Variants in RNF213 observed in about 807,000 individuals in gnomAD.
The protein encoded by RNF213 is E3 ubiquitin-protein ligase RNF213.
In RNF213, 341 loss-of-function variants were observed where a neutral mutation model predicts 514.4. That is an observed-to-expected ratio of 0.66 (90% confidence interval 0.61 to 0.73). The LOEUF (loss-of-function observed/expected upper bound fraction) is 0.73, where lower values mean the gene tolerates loss of function less well. RNF213 is among the 30% of genes least tolerant of loss of function. RNF213 has a pLI of 0.00. For synonymous variants in RNF213, 2,655 were observed against 2,658.2 expected (o/e 1.00, Z 0.04); for missense variants, 5,767 against 6,615.6 (o/e 0.87, Z 4.45).
At chr17:80,383,636 ACCT>A in intron 58 of RNF213, 38 bp from the exon 59 acceptor site, 1 of 1,584,188 alleles carries the variant, frequency 6.3e-7, no homozygotes, top group Non-Finnish European at 8.7e-7. Context: ...TTGTAGCAAT[ACCT>A]CACTTCCAGA....
At chr17:80,381,995 A>T in intron 57 of RNF213, 2 of 480,012 alleles carry the variant, frequency 4.2e-6, no homozygotes, top group South Asian at 4.1e-5. Context: ...GACCTGCGGT[A>T]TTCGGGAGCG....
intron 38 of RNF213, among the ~76,000 whole-genome samples, chr17:80,360,894 T>G (rs1485526268): frequency 6.6e-6 from 1 of 152,174 alleles, no homozygotes; most frequent in Non-Finnish European, 1.5e-5. Flanking sequence ...CAAAGCAGTC[T>G]CTCTCCTCAT....
chr17:80,373,828 T>G (rs902619099), intron 49 of RNF213, among the ~76,000 whole-genome samples: 1 of 151,820 alleles, frequency 6.6e-6, no homozygotes. Context: ...GGTGAAACCT[T>G]GTCTCTACTT....
intron 36 of RNF213, among the ~76,000 whole-genome samples, chr17:80,355,982 T>C (rs2078799826): frequency 6.7e-6 from 1 of 150,330 alleles, no homozygotes; most frequent in Non-Finnish European, 1.5e-5. Flanking sequence ...TTTCCCTCCG[T>C]TCCTCCTTGT....
At chr17:80,295,418 T>C (rs2044898544) in intron 9 of RNF213, 139 bp from the exon 10 acceptor site, 5 of 1,080,590 alleles carry the variant, frequency 4.6e-6, no homozygotes. Flanking sequence ...GCACTGCAGC[T>C]CCTCCTGTGG....
At chr17:80,326,191 A>G (rs914169076) in intron 18 of RNF213, among the ~76,000 whole-genome samples, 9 of 151,884 alleles carry the variant, frequency 5.9e-5, no homozygotes, top group Non-Finnish European at 1.0e-4. Context: ...TGATGCCATC[A>G]TCGCTCACCG....
At chr17:80,371,133 A>C (rs2079501796) in intron 46 of RNF213, among the ~76,000 whole-genome samples, 1 of 152,236 alleles carries the variant, frequency 6.6e-6, no homozygotes, top group Admixed American at 6.5e-5. Context: ...TCAAAAAAGA[A>C]AAAAATCTAT....
rs1210837954 is a variant in RNF213, at chr17:80,294,993, G to A, written c.1745G>A (p.Arg582Lys). The change falls in exon 9 of 68, where the codon AGG (arginine) becomes AAG (lysine). Residue 582 changes from arginine to lysine, a missense_variant. Arg to Lys is a conservative substitution (Grantham distance 26). Around this residue, in one of 13 missense-constraint regions of RNF213, gnomAD observed 592 missense variants for 673.9 expected, o/e 0.88. Transcript: ENST00000582970. ...CAGCTGTGGACCGATTTGCAGTACA[G>A]GGAGAAAGAGGTATCAGGCTTGCCA... ...QAQLWTDLQY[R>K]EKEVKRYLWQ... The A allele has an allele frequency of 1.2e-6, 2 of 1,614,042 alleles. No individual in the cohort carries two copies. The highest frequency in any genetic ancestry group is 2.7e-5 in the African/African-American group (2 of 74,932).
At chr17:80,334,051 A>AT (rs2143998175) in intron 21 of RNF213, 54 bp from the exon 22 acceptor site, 16 of 1,535,230 alleles carry the variant, frequency 1.0e-5, no homozygotes, top group Non-Finnish European at 1.4e-5. Flanking sequence ...CAGCTCACAG[A>AT]TTCTGGGGTT....
rs953423798 is a variant in RNF213 at position 80,346,358 on chromosome 17, C to G, written c.8023C>G (p.His2675Asp). The G allele has an allele frequency of 1.8e-5, 29 of 1,613,588 alleles. No individual in the cohort carries two copies. Among genetic ancestry groups the G allele is most frequent in the Non-Finnish European group, 2.4e-5 (28 of 1,180,014 alleles). ...CTCCAAGTCCAGCGTCAGCAAAAAT[C>G]ACACCGAGAGAGATCCCGTCCTCTG... ...FLSKSSVSKN[H>D]TERDPVLWSL... is the part of the protein sequence containing the mutation. The change falls in exon 29 of 68, where the codon CAC (histidine) becomes GAC (aspartate). Residue 2675 changes from histidine (H) to aspartate (D), a missense_variant. By Grantham distance (81) the His-to-Asp change is moderately conservative (BLOSUM62 -1). This residue lies in a region of RNF213 where 1,377 missense variants were observed against 1,635.2 expected (regional missense o/e 0.84). Transcript: ENST00000582970. The surrounding 1 kb of genome is among the most constrained non-coding windows in gnomAD (Gnocchi z 8.1).
chr17:80,355,551 G>C (rs1317100729), intron 36 of RNF213, among the ~76,000 whole-genome samples: 2 of 120,450 alleles, frequency 1.7e-5, no homozygotes, highest in South Asian at 2.8e-4. Flanking sequence ...GGACGGGAAT[G>C]GGGGCTTATG....
chr17:80,384,465 A>G (rs1424497711), intron 59 of RNF213, among the ~76,000 whole-genome samples: 2 of 152,154 alleles, frequency 1.3e-5, no homozygotes, highest in Non-Finnish European at 2.9e-5. Context: ...ATTTTCTACA[A>G]CACATTGTCT....
Position 80,352,954 on chromosome 17 carries a change from G to T in RNF213, c.10318G>T (p.Val3440Phe). 6.2e-7 allele frequency: 1 copy of T among 1,613,900 alleles called. No individual in the cohort carries two copies. Among genetic ancestry groups the T allele is most frequent in the Non-Finnish European group, 8.5e-7 (1 of 1,179,986 alleles). Residue 3440 changes from valine to phenylalanine, a missense_variant, in exon 33 of 68, where the codon GTC becomes TTC. Coordinates refer to ENST00000582970, the MANE Select transcript of RNF213 (RefSeq NM_001256071.3). ...ACTCTTCACAGGGCTGTGGCAGTCT[G>T]TCCACATCGATGACCTCCGGAGATC... ...VGFHGGLWQS[V>F]HIDDLRRSTL...
intron 32 of RNF213, chr17:80,352,483 C>G: frequency 2.0e-6 from 1 of 489,402 alleles, no homozygotes; most frequent in Non-Finnish European, 3.6e-6. Flanking sequence ...ATCTTCAGAT[C>G]TCTTTTTTTC....
chr17:80,361,049 C>T (rs1317853282), intron 38 of RNF213, among the ~76,000 whole-genome samples: 1 of 152,174 alleles, frequency 6.6e-6, no homozygotes, highest in African/African-American at 2.4e-5. Context: ...AAGAGCAGCC[C>T]ACTTGTTCCT....
At chr17:80,319,895 C>A (rs2046081317) in intron 17 of RNF213, 1 of 1,073,214 alleles carries the variant, frequency 9.3e-7, no homozygotes. Context: ...ACAAGCACAG[C>A]CTTGCGGCCA....
Position 80,347,101 on chromosome 17 carries a change from C to T in RNF213, c.8766C>T (p.Ile2922=). The part of the protein sequence containing the change: ...ESAKGICSSD[I]LVQDRVQGYF... ...CCAAGGGCATCTGCTCCTCAGACAT[C>T]CTCGTCCAGGACCGAGTCCAAGGGT... Residue 2922 remains isoleucine, a synonymous_variant, in exon 29 of 68, where the codon ATC becomes ATT. Coordinates refer to ENST00000582970, the MANE Select transcript of RNF213 (RefSeq NM_001256071.3). The surrounding 1 kb of genome is among the most constrained non-coding windows in gnomAD (Gnocchi z 7.2). The T allele has an allele frequency of 6.2e-7, 1 of 1,614,114 alleles. No individual in the cohort carries two copies. The highest frequency in any genetic ancestry group is 1.1e-5 in the South Asian group (1 of 91,068).
chr17:80,332,581 A>G lies in RNF213; in HGVS notation c.4093A>G (p.Ser1365Gly). 6.5e-7 allele frequency: 1 copy of G among 1,528,920 alleles called. No homozygotes were observed. Among genetic ancestry groups the G allele is most frequent in the South Asian group, 1.2e-5 (1 of 83,430 alleles). 94.7% of individuals were successfully genotyped at this position (1,528,920 alleles called of 1,614,324 possible). ...AAKVILQVKESLGLNGDFSVL... is the reference protein window; with the variant it reads ...AAKVILQVKEGLGLNGDFSVL... ...CAAGGTCATCTTGCAGGTCAAAGAG[A>G]GCCTGGGACTGAACGGTGACTTCAG... The change falls in exon 21 of 68, where the codon AGC becomes GGC. Residue 1365 changes from serine to glycine, a missense_variant. By Grantham distance (56) the Ser-to-Gly change is moderately conservative. This residue lies in a region of RNF213 where 516 missense variants were observed against 566.5 expected (regional missense o/e 0.91). Coordinates refer to ENST00000582970, the MANE Select transcript of RNF213 (RefSeq NM_001256071.3).
At chr17:80,290,468 TGCAC>T in intron 6 of RNF213, 98 bp from the exon 7 acceptor site, 19 of 1,380,570 alleles carry the variant, frequency 1.4e-5, no homozygotes, top group Middle Eastern at 2.5e-4. Context: ...CATGTGTGTG[TGCAC>T]GTGTGTGTGC....
Sources: gnomAD v4.1 joint callset for allele counts (sites outside exome capture counted in the v4.1 genomes callset) on GRCh38, gnomAD v4.1.1 for gene constraint, gnomAD v4.1.1 regional missense constraint, Gnocchi (gnomAD v3.1) non-coding constraint, MANE v1.5 for transcripts, NCBI Gene and HGNC (gene_info 2026-07-23, HGNC 2026-07-21) for gene names.